Variants in SLC26A1 observed in about 807,000 individuals in gnomAD.
SLC26A1 encodes sulfate anion transporter 1.
SLC26A1 carries 18 observed loss-of-function variants against 14.5 expected under a neutral mutation model. The observed-to-expected ratio is 1.24, with a 90% confidence interval of 0.86 to 1.84. SLC26A1 has a LOEUF of 1.84. SLC26A1 is among the 40% of genes most tolerant of loss of function. SLC26A1 has a pLI of 0.00. For missense variants in SLC26A1, 1,049 were observed against 1,020.0 expected (o/e 1.03, Z -0.39); for synonymous variants, 505 against 492.0 (o/e 1.03, Z -0.35).
At chr4:992,223 C>A (rs1161039460) in intron 1 of SLC26A1, 1 of 457,932 alleles carries the variant, frequency 2.2e-6, no homozygotes, top group East Asian at 6.9e-5. Flanking sequence ...ACCTCCCTGG[C>A]TCCCCAGGTT....
chr4:981,286 G>A (rs905030743), intron 2 of SLC26A1, among the ~76,000 whole-genome samples: 9 of 152,202 alleles, frequency 5.9e-5, no homozygotes, highest in African/African-American at 1.9e-4. Flanking sequence ...GGTTCTGGTG[G>A]CAACATATTC....
At chr4:982,696 G>T (rs558309205), downstream of SLC26A1, among the ~76,000 whole-genome samples, 1 of 152,328 alleles carries the variant, frequency 6.6e-6, no homozygotes, top group African/African-American at 2.4e-5. Flanking sequence ...TGAATCTCTT[G>T]CCTCACAGAG....
Position 988,298 on chromosome 4 carries a change from C to T in SLC26A1, c.*535G>A, listed in dbSNP as rs1250910835. On this transcript the variant is annotated 3_prime_UTR_variant, in exon 3 of 3. Coordinates refer to ENST00000398516, the MANE Select transcript of SLC26A1 (RefSeq NM_022042.4). ...AGCTGAGGTCTCATCGGTCACAGCA[C>T]CCTGGGCCCTGACGCTGGTGCAGGT... 1.8e-5 allele frequency: 20 copies of T among 1,129,232 alleles called. No individual in the cohort carries two copies. Among genetic ancestry groups the T allele is most frequent in the Non-Finnish European group, 2.1e-5 (19 of 918,336 alleles). 70.0% of individuals were successfully genotyped at this position (1,129,232 alleles called of 1,614,324 possible).
At chr4:990,727 G>A (rs1714223037) in intron 2 of SLC26A1, 1 of 403,162 alleles carries the variant, frequency 2.5e-6, no homozygotes, top group Non-Finnish European at 4.5e-6. Flanking sequence ...CCATGCAGAT[G>A]TGGAGCCAAC....
chr4:979,520 C>T (rs113564687), intron 2 of SLC26A1: 24 of 1,612,816 alleles, frequency 1.5e-5, no homozygotes, highest in Middle Eastern at 1.6e-4. Flanking sequence ...AGGAAGTGGC[C>T]GGGAAGGGCA....
chr4:989,937 C>T lies in SLC26A1; in HGVS notation c.1002G>A (p.Glu334=). The T allele has an allele frequency of 1.9e-6, 3 of 1,556,670 alleles. No individual in the cohort carries two copies. Among genetic ancestry groups the T allele is most frequent in the Non-Finnish European group, 2.6e-6 (3 of 1,151,474 alleles). ...AAGCCACACGCTGCATCAGCCTGGG[C>T]TCTGGGACCTGAGGGGGCATGAAAC... ...PTGFMPPQVP[E]PRLMQRVALD... The change falls in exon 3 of 3, where the codon GAG becomes GAA. Residue 334 remains glutamate, a synonymous_variant. Transcript: ENST00000398516.
At chr4:991,031 C>G in intron 2 of SLC26A1, 97 bp downstream of exon 2, 2 of 1,270,490 alleles carry the variant, frequency 1.6e-6, no homozygotes, top group Non-Finnish European at 2.1e-6. Flanking sequence ...CCTCCTCTGC[C>G]AACCCTGTGC....
downstream of SLC26A1, among the ~76,000 whole-genome samples, chr4:986,243 T>G (rs977639293): frequency 1.3e-5 from 2 of 152,206 alleles, no homozygotes; most frequent in Admixed American, 6.5e-5. Context: ...TTATTATTTT[T>G]ATACAATGTT....
At position 988,919 on chromosome 4, in the gene SLC26A1, C is replaced by T. The variant is rs1486836840; in HGVS notation, c.2020G>A (p.Glu674Lys). 6.2e-7 allele frequency: 1 copy of T among 1,603,668 alleles called. No individual in the cohort carries two copies. Among genetic ancestry groups the T allele is most frequent in the Non-Finnish European group, 8.5e-7 (1 of 1,176,018 alleles). Residue 674 changes from glutamate (E) to lysine (K), a missense_variant, in exon 3 of 3, where the codon GAG (glutamate) becomes AAG (lysine). Coordinates refer to ENST00000398516, the MANE Select transcript of SLC26A1 (RefSeq NM_022042.4). ...GEGPGDTAEE[E>K]QLFLSVHDAV... ...TCGTGCACACTGAGGAACAGCTGCTCCTCCTCAGCCGTGTCCCCGGGGCCC... is the reference window on the plus strand; with the variant it reads ...TCGTGCACACTGAGGAACAGCTGCTTCTCCTCAGCCGTGTCCCCGGGGCCC...
Position 989,849 on chromosome 4 carries a change from C to T in SLC26A1, c.1090G>A (p.Ala364Thr), listed in dbSNP as rs760307096. 6.3e-6 allele frequency: 10 copies of T among 1,577,112 alleles called. No homozygotes were observed. Among genetic ancestry groups the T allele is most frequent in the Admixed American group, 3.7e-5 (2 of 54,466 alleles). Reference protein sequence around the residue: ...AFSISLAEMFARSHGYSVRAN... With the variant: ...AFSISLAEMFTRSHGYSVRAN... ...CGCACAGAGTAGCCGTGACTGCGGG[C>T]GAACATCTCCGCCAGCGAGATGGAG... Residue 364 changes from alanine to threonine, a missense_variant, in exon 3 of 3, where the codon GCC (alanine) becomes ACC (threonine). Ala to Thr is a moderately conservative substitution (Grantham distance 58). Transcript: ENST00000398516.
rs1452435363 is a variant in SLC26A1, at chr4:988,488, G to A, written c.*345C>T. On this transcript the variant is annotated 3_prime_UTR_variant, in exon 3 of 3. Coordinates refer to ENST00000398516, the MANE Select transcript of SLC26A1 (RefSeq NM_022042.4). ...TAGGGAGTCCTCTTGGCACCTTGGA[G>A]GCTGCATGATGGCGGGGGACCCTTG... 4 of 1,129,384 alleles carry A rather than the reference G, an allele frequency of 3.5e-6. No individual in the cohort carries two copies. The highest frequency in any genetic ancestry group is 2.2e-6 in the Non-Finnish European group (2 of 920,320). 70.0% of individuals were successfully genotyped at this position (1,129,384 alleles called of 1,614,324 possible).
At chr4:990,463 A>T in intron 2 of SLC26A1, 101 bp from the exon 3 acceptor site, 1 of 1,172,870 alleles carries the variant, frequency 8.5e-7, no homozygotes, top group Non-Finnish European at 1.2e-6. Flanking sequence ...ACGGCACAGG[A>T]CCTGACAATT....
chr4:983,999 A>G (rs1713625598), downstream of SLC26A1, among the ~76,000 whole-genome samples: 2 of 152,010 alleles, frequency 1.3e-5, no homozygotes, highest in Admixed American at 1.3e-4. Flanking sequence ...TAATTTTTGT[A>G]TTTTTGGTAG....
rs2153015484 is a variant in SLC26A1 at position 987,664 on chromosome 4, C to T, written c.*1169G>A. 1 of 1,480,382 alleles carries T rather than the reference C, an allele frequency of 6.8e-7. No individual in the cohort carries two copies. Among genetic ancestry groups the T allele is most frequent in the African/African-American group, 1.4e-5 (1 of 72,206 alleles). 91.7% of individuals were successfully genotyped at this position (1,480,382 alleles called of 1,614,324 possible). On this transcript the variant is annotated 3_prime_UTR_variant, in exon 3 of 3. Coordinates refer to ENST00000398516, the MANE Select transcript of SLC26A1 (RefSeq NM_022042.4). ...AGATGGGACCTCCCCACATTCCTGGCCCTAAGGGTCATTTTATTAGTCACT... is the reference window on the plus strand; with the variant it reads ...AGATGGGACCTCCCCACATTCCTGGTCCTAAGGGTCATTTTATTAGTCACT...
downstream of SLC26A1, among the ~76,000 whole-genome samples, chr4:983,865 C>T (rs375830141): frequency 7.9e-5 from 12 of 152,204 alleles, no homozygotes; most frequent in African/African-American, 2.9e-4. Context: ...CACTCTGTTG[C>T]CCAGGCTGGA....
chr4:991,711 C>T lies in SLC26A1; in HGVS notation c.-8G>A, dbSNP rs758638367. Reference sequence around the variant, plus strand: ...CTCAGGGGACTCGTCCATCCTGTTGCGTCAGGTCCCGTGGCCGACCTGCGG... The same window carrying T: ...CTCAGGGGACTCGTCCATCCTGTTGTGTCAGGTCCCGTGGCCGACCTGCGG... On this transcript the variant is annotated 5_prime_UTR_variant, in exon 2 of 3. Coordinates refer to ENST00000398516, the MANE Select transcript of SLC26A1 (RefSeq NM_022042.4). 7.2e-6 allele frequency: 11 copies of T among 1,533,174 alleles called. No homozygotes were observed. Among genetic ancestry groups the T allele is most frequent in the African/African-American group, 5.5e-5 (4 of 73,096 alleles). The allele number at this position is 1,533,174 out of a possible 1,614,324, so 95.0% of individuals were successfully genotyped here.
Position 989,764 on chromosome 4 carries a change from C to T in SLC26A1, c.1175G>A (p.Cys392Tyr). The T allele has an allele frequency of 6.4e-7, 1 of 1,560,988 alleles. No homozygotes were observed. The highest frequency in any genetic ancestry group is 1.2e-5 in the South Asian group (1 of 84,874). Reference sequence around the variant, plus strand: ...GGCCAGGGCGGCGCTGGTGGCGAAGCAGTGGAGGAAGGCGGGTAGCACGTT... The same window carrying T: ...GGCCAGGGCGGCGCTGGTGGCGAAGTAGTGGAGGAAGGCGGGTAGCACGTT... ...CCNVLPAFLH[C>Y]FATSAALAKS... Residue 392 changes from cysteine (C) to tyrosine (Y), a missense_variant, in exon 3 of 3, where the codon TGC becomes TAC. Coordinates refer to ENST00000398516, the MANE Select transcript of SLC26A1 (RefSeq NM_022042.4).
downstream of SLC26A1, chr4:986,941 CCAA>C: frequency 1.5e-6 from 1 of 659,678 alleles, no homozygotes; most frequent in Non-Finnish European, 2.6e-6. Flanking sequence ...CCGAGGCCAC[CCAA>C]CCCCTCCCAC....
chr4:990,698 A>G (rs1560537140), intron 2 of SLC26A1: 2 of 419,518 alleles, frequency 4.8e-6, no homozygotes, highest in Non-Finnish European at 8.6e-6. Context: ...TGCTTCCTAC[A>G]CATGGTGCCC....
Sources: gnomAD v4.1 joint callset for allele counts (sites outside exome capture counted in the v4.1 genomes callset) on GRCh38, gnomAD v4.1.1 for gene constraint, MANE v1.5 for transcripts, NCBI Gene and HGNC (gene_info 2026-07-23, HGNC 2026-07-21) for gene names.